MDM2: variants seen among roughly 807,000 people sequenced by gnomAD.
MDM2 encodes E3 ubiquitin-protein ligase Mdm2.
Under a neutral mutation model 64.3 loss-of-function variants are expected in MDM2, and 11 were observed. The observed-to-expected ratio is 0.17, with a 90% CI of 0.11 to 0.28. MDM2 has a LOEUF of 0.28. Among genes scored for constraint, MDM2 ranks in the 10% least tolerant of loss-of-function variants. MDM2 has a pLI of 1.00. For missense variants in MDM2, 388 were observed against 577.1 expected (o/e 0.67, Z 3.36); for synonymous variants, 194 against 192.9 (o/e 1.01, Z -0.05).
intron 2 of MDM2, among the ~76,000 whole-genome samples, chr12:68,810,766 T>C (rs1012074444): frequency 1.3e-5 from 2 of 151,624 alleles, no homozygotes; most frequent in Non-Finnish European, 2.9e-5. Context: ...TGGCCTCTTT[T>C]ATTATTATTA....
intron 8 of MDM2, among the ~76,000 whole-genome samples, chr12:68,834,972 T>G (rs1224603867): frequency 6.6e-6 from 1 of 152,078 alleles, no homozygotes; most frequent in South Asian, 2.1e-4. Context: ...GCTACAGAAT[T>G]TTTTTTAATT....
intron 2 of MDM2, among the ~76,000 whole-genome samples, chr12:68,812,730 A>T (rs3730511): frequency 0.067 from 10,120 of 152,162 alleles, 1,096 homozygotes; most frequent in African/African-American, 0.23. Context: ...GTTATAGGCA[A>T]GAGCCACCTC....
intron 3 of MDM2, 36 bp from the exon 4 acceptor site, chr12:68,816,776 T>A (rs781419393): frequency 6.5e-7 from 1 of 1,534,118 alleles, no homozygotes; most frequent in East Asian, 2.3e-5. Flanking sequence ...AACATTTAGT[T>A]TTCTTTAATG....
rs1210203044 is a variant in MDM2, at chr12:68,844,758, GTTTTA to G, written c.*4919_*4923del. ...AAGATTTTTTAAATCCTTAATAAGGGTTTTATTTTATTTTTATTTATTTTTTGAGA... is the reference window on the plus strand; with the variant it reads ...AAGATTTTTTAAATCCTTAATAAGGGTTTTATTTTTATTTATTTTTTGAGA... On this transcript the variant is annotated 3_prime_UTR_variant, in exon 11 of 11. Coordinates refer to ENST00000258149, the MANE Select transcript of MDM2 (RefSeq NM_002392.6). The G allele has an allele frequency of 7.2e-5, 15 of 207,532 alleles. No individual in the cohort carries two copies. The highest frequency in any genetic ancestry group is 2.2e-4 in the East Asian group (3 of 13,716). 12.9% of individuals were successfully genotyped at this position (207,532 alleles called of 1,614,324 possible).
chr12:68,838,208 A>C (rs1883463494), intron 10 of MDM2, among the ~76,000 whole-genome samples: 1 of 152,204 alleles, frequency 6.6e-6, no homozygotes, highest in African/African-American at 2.4e-5. Context: ...TTGTGAGGCA[A>C]TCTCAAAATG....
downstream of MDM2, chr12:68,846,264 T>C (rs1231793550): frequency 6.8e-6 from 1 of 147,622 alleles, no homozygotes; most frequent in Non-Finnish European, 1.5e-5. Flanking sequence ...AATTTTTGTA[T>C]TTTTTGTAGA....
intron 5 of MDM2, among the ~76,000 whole-genome samples, chr12:68,821,295 C>T (rs1881828635): frequency 1.3e-5 from 2 of 152,012 alleles, no homozygotes; most frequent in African/African-American, 2.4e-5. Context: ...ATCTGCCTGC[C>T]TCGGCCTTCC....
chr12:68,832,902 G>A (rs1464828938), intron 8 of MDM2, among the ~76,000 whole-genome samples: 14 of 151,020 alleles, frequency 9.3e-5, no homozygotes, highest in Admixed American at 3.3e-4. Context: ...TGAGGCGGGC[G>A]GATCACAAGG....
chr12:68,839,768 A>C lies in MDM2; in HGVS notation c.1413A>C (p.Ala471=). The change falls in exon 11 of 11, where the codon GCA becomes GCC. Residue 471 remains alanine (A), a synonymous_variant. Coordinates refer to ENST00000258149, the MANE Select transcript of MDM2 (RefSeq NM_002392.6). ...TGHLMACFTC[A]KKLKKRNKPC... is the part of the protein sequence containing the mutation. Reference sequence around the variant, plus strand: ...ATCTTATGGCCTGCTTTACATGTGCAAAGAAGCTAAAGAAAAGGAATAAGC... The same window carrying C: ...ATCTTATGGCCTGCTTTACATGTGCCAAGAAGCTAAAGAAAAGGAATAAGC... The C allele has an allele frequency of 6.2e-7, 1 of 1,614,158 alleles. No individual in the cohort carries two copies. The highest frequency in any genetic ancestry group is 8.5e-7 in the Non-Finnish European group (1 of 1,180,026).
chr12:68,812,319 G>A (rs1027749711), intron 2 of MDM2, among the ~76,000 whole-genome samples: 5 of 152,100 alleles, frequency 3.3e-5, no homozygotes, highest in African/African-American at 1.2e-4. Context: ...TTAAAAATCT[G>A]TTTTTAAGGC....
At chr12:68,817,897 A>G (rs1304592295) in intron 4 of MDM2, among the ~76,000 whole-genome samples, 1 of 152,030 alleles carries the variant, frequency 6.6e-6, no homozygotes, top group African/African-American at 2.4e-5. Context: ...TCCTGGGTTC[A>G]AGTGATTCTC....
intron 10 of MDM2, among the ~76,000 whole-genome samples, chr12:68,836,963 T>TTC (rs1555188295): frequency 6.6e-6 from 1 of 151,686 alleles, no homozygotes; most frequent in Non-Finnish European, 1.5e-5. Flanking sequence ...AACTTTTTTT[T>TTC]TTTTTTTTTT....
chr12:68,850,101 A>G (rs1030956307), downstream of MDM2: 1 of 152,150 alleles, frequency 6.6e-6, no homozygotes, highest in African/African-American at 2.4e-5. Context: ...CCTGGGCAAC[A>G]TGGTGCAACC....
At chr12:68,817,015 TC>T in intron 4 of MDM2, 70 bp downstream of exon 4, 1 of 1,527,688 alleles carries the variant, frequency 6.5e-7, no homozygotes, top group Non-Finnish European at 8.8e-7. Context: ...CTACCCTCAT[TC>T]ACTTTTGTCA....
chr12:68,819,526 T>TTG (rs940454473), intron 4 of MDM2, among the ~76,000 whole-genome samples: 1 of 152,152 alleles, frequency 6.6e-6, no homozygotes, highest in Admixed American at 6.5e-5. Flanking sequence ...AGTTTTGCTC[T>TTG]TGTTGCCCAG....
intron 1 of MDM2, chr12:68,808,990 GC>G (rs1428072017): frequency 5.6e-6 from 8 of 1,435,892 alleles, no homozygotes; most frequent in Non-Finnish European, 7.3e-6. Flanking sequence ...TCCAGCTGGG[GC>G]TATTTAAACC....
At chr12:68,846,547 T>C (rs1333478822), downstream of MDM2, 1 of 152,184 alleles carries the variant, frequency 6.6e-6, no homozygotes, top group African/African-American at 2.4e-5. Context: ...ATCACAGTAA[T>C]ATCTCCCTAA....
At chr12:68,815,701 C>A in intron 3 of MDM2, 1 of 398,438 alleles carries the variant, frequency 2.5e-6, no homozygotes. Context: ...CCTCGGCCTC[C>A]TAAAGTGCTA....
intron 8 of MDM2, among the ~76,000 whole-genome samples, chr12:68,829,824 A>G (rs1315567558): frequency 6.6e-6 from 1 of 152,094 alleles, no homozygotes; most frequent in African/African-American, 2.4e-5. Context: ...GAGTATCAGT[A>G]CTTTCTCATT....
Sources: gnomAD v4.1 joint callset for allele counts (sites outside exome capture counted in the v4.1 genomes callset) on GRCh38, gnomAD v4.1.1 for gene constraint, MANE v1.5 for transcripts, NCBI Gene and HGNC (gene_info 2026-07-23, HGNC 2026-07-21) for gene names.